The following HACL1 variants were observed in gnomAD, a reference collection of about 807,000 sequenced individuals.
The protein encoded by HACL1 is 1600020H07Rik.
A neutral mutation model predicts 74.2 loss-of-function variants in HACL1; 64 were observed. The observed-to-expected ratio is 0.86, with a 90% CI of 0.70 to 1.06. HACL1 has a LOEUF of 1.06. Ranked by LOEUF, HACL1 falls within the 50% of genes least tolerant of loss-of-function variation. HACL1 has a pLI of 0.00. For missense variants in HACL1, 728 were observed against 719.7 expected (o/e 1.01, Z -0.13); for synonymous variants, 230 against 238.8 (o/e 0.96, Z 0.34).
chr3:15,573,489 T>G (rs1362820050), intron 10 of HACL1, among the ~76,000 whole-genome samples: 1 of 152,236 alleles, frequency 6.6e-6, no homozygotes, highest in Non-Finnish European at 1.5e-5. Context: ...ATTGCTTCAT[T>G]ATACCCATAG....
intron 16 of HACL1, among the ~76,000 whole-genome samples, chr3:15,562,611 C>A (rs565158365): frequency 6.6e-6 from 1 of 152,106 alleles, no homozygotes; most frequent in East Asian, 1.9e-4. Flanking sequence ...GTGGCTGATA[C>A]ACAAACTGTT....
rs1346314766 is a variant in HACL1, at chr3:15,568,086, C to A, written c.1251-84G>T. 12 of 1,115,178 alleles carry A rather than the reference C, an allele frequency of 1.1e-5. No individual in the cohort carries two copies. In the African/African-American group the frequency reaches 1.2e-4, roughly 12 times the overall value. The allele number at this position is 1,115,178 out of a possible 1,614,324, so 69.1% of individuals were successfully genotyped here. A position where few individuals can be genotyped will look rare whatever the true frequency, so the allele number is the denominator to read the frequency against. On this transcript the variant is annotated intron_variant, in intron 13 of 16. Coordinates refer to ENST00000321169, the MANE Select transcript of HACL1 (RefSeq NM_012260.4). ...GGCACAAACCTTCTAGTCATATTTACATGGTTGATGGAAAAATGAAGAACC... is the reference window on the plus strand; with the variant it reads ...GGCACAAACCTTCTAGTCATATTTAAATGGTTGATGGAAAAATGAAGAACC...
chr3:15,564,802 T>C, intron 14 of HACL1, 144 bp from the exon 15 acceptor site: 1 of 543,202 alleles, frequency 1.8e-6, no homozygotes, highest in African/African-American at 1.9e-5. Context: ...CAAGCATTTA[T>C]TATCCTAAGA....
Position 15,580,116 on chromosome 3 carries a change from G to A in HACL1, c.668-71C>T, listed in dbSNP as rs553414211. 26 of 1,239,052 alleles carry A rather than the reference G, an allele frequency of 2.1e-5. No individual in the cohort carries two copies. In the Middle Eastern group the frequency reaches 5.7e-4, roughly 27 times the overall value. The allele number at this position is 1,239,052 out of a possible 1,614,324, so 76.8% of individuals were successfully genotyped here. ...CACTGTGACCCTTAAAAAAGTTCAT[G>A]TGAAATTGCTTTTTACTTATTTATA... On this transcript the variant is annotated intron_variant, in intron 8 of 16. Transcript: ENST00000321169.
intron 2 of HACL1, among the ~76,000 whole-genome samples, chr3:15,596,802 C>T (rs976285426): frequency 3.3e-5 from 5 of 151,912 alleles, no homozygotes; most frequent in African/African-American, 7.2e-5. Flanking sequence ...TTTAGTTCTT[C>T]GAAAATTTTT....
chr3:15,571,771 TTAAA>T lies in HACL1; in HGVS notation c.994-6_994-3del. On this transcript the variant is annotated splice_region_variant and splice_polypyrimidine_tract_variant and intron_variant, in intron 11 of 16. Transcript: ENST00000321169. ...TGTTTTATCAAGTTCCTCTAAAAGC[TTAAA>T]AAAAAAAAAACACACACACACAAAC... is the stretch of plus-strand genomic sequence containing the variant. The T allele has an allele frequency of 1.0e-6, 1 of 982,940 alleles. No homozygotes were observed. The highest frequency in any genetic ancestry group is 1.5e-6 in the Non-Finnish European group (1 of 678,020). The allele number at this position is 982,940 out of a possible 1,614,324, so 60.9% of individuals were successfully genotyped here.
Position 15,571,666 on chromosome 3 carries a change from A to T in HACL1, c.1095+2T>A. 1 of 1,310,268 alleles carries T rather than the reference A, an allele frequency of 7.6e-7. No homozygotes were observed. Among genetic ancestry groups the T allele is most frequent in the Non-Finnish European group, 1.1e-6 (1 of 903,874 alleles). The allele number at this position is 1,310,268 out of a possible 1,614,324, so 81.2% of individuals were successfully genotyped here. A position where few individuals can be genotyped will look rare whatever the true frequency, so the allele number is the denominator to read the frequency against. On this transcript the variant is annotated splice_donor_variant, in intron 12 of 16. Coordinates refer to ENST00000321169, the MANE Select transcript of HACL1 (RefSeq NM_012260.4). LOFTEE classifies it high-confidence loss of function. ...ATTGAGCGTCAGTAGGTCCGATTTT[A>T]CCTTGGATGCAGCTTCATTGCTCTT...
At chr3:15,571,806 A>C (rs767746203) in intron 11 of HACL1, 37 bp from the exon 12 acceptor site, 1 of 682,324 alleles carries the variant, frequency 1.5e-6, no homozygotes. Context: ...CAAACACATA[A>C]ACTTTTTCTT....
At chr3:15,580,419 C>T (rs907308207) in intron 8 of HACL1, among the ~76,000 whole-genome samples, 1 of 152,124 alleles carries the variant, frequency 6.6e-6, no homozygotes, top group African/African-American at 2.4e-5. Flanking sequence ...TGTAGATCTT[C>T]TCAAATACTC....
intron 16 of HACL1, among the ~76,000 whole-genome samples, chr3:15,561,232 G>T (rs1232837644): frequency 6.6e-6 from 1 of 152,218 alleles, no homozygotes. Flanking sequence ...CAGGTCTGAG[G>T]ACATGAGTAG....
chr3:15,570,666 C>A (rs1410560088), intron 12 of HACL1, among the ~76,000 whole-genome samples: 1 of 151,306 alleles, frequency 6.6e-6, no homozygotes, highest in Non-Finnish European at 1.5e-5. Flanking sequence ...TACTAGAAAT[C>A]GCCAAATCCT....
intron 9 of HACL1, among the ~76,000 whole-genome samples, chr3:15,575,303 T>C (rs991142752): frequency 1.3e-5 from 2 of 151,810 alleles, no homozygotes; most frequent in Non-Finnish European, 2.9e-5. Flanking sequence ...AACATTACCA[T>C]AAGCTGTATC....
chr3:15,562,550 T>C (rs761841086), intron 16 of HACL1, among the ~76,000 whole-genome samples: 2 of 152,116 alleles, frequency 1.3e-5, no homozygotes, highest in East Asian at 1.9e-4. Context: ...ATTCCATATA[T>C]ATAAGAACCA....
At chr3:15,589,067 T>TTATAGTA (rs1387407184) in intron 5 of HACL1, among the ~76,000 whole-genome samples, 1 of 152,200 alleles carries the variant, frequency 6.6e-6, no homozygotes, top group Non-Finnish European at 1.5e-5. Context: ...TGAAGTTGTC[T>TTATAGTA]TATAGTAGCT....
chr3:15,588,967 T>C (rs1023339588), intron 5 of HACL1, among the ~76,000 whole-genome samples: 1 of 152,200 alleles, frequency 6.6e-6, no homozygotes, highest in African/African-American at 2.4e-5. Context: ...TTTAAGAGCC[T>C]ATTTTCAGAG....
intron 2 of HACL1, among the ~76,000 whole-genome samples, chr3:15,597,735 G>A (rs1455798426): frequency 2.0e-5 from 3 of 150,710 alleles, no homozygotes; most frequent in African/African-American, 2.4e-5. Context: ...TTCCTGTGTC[G>A]CTATTCTCTA....
chr3:15,573,719 A>C (rs1210387078), intron 10 of HACL1, among the ~76,000 whole-genome samples: 2 of 152,216 alleles, frequency 1.3e-5, no homozygotes, highest in Non-Finnish European at 2.9e-5. Flanking sequence ...GTGCATTTCT[A>C]ACAGGTTTCG....
intron 9 of HACL1, among the ~76,000 whole-genome samples, chr3:15,578,518 C>A (rs940036154): frequency 1.3e-5 from 2 of 152,222 alleles, no homozygotes; most frequent in Non-Finnish European, 2.9e-5. Flanking sequence ...AAAGGCAGCC[C>A]TAGTTGCAGA....
intron 3 of HACL1, among the ~76,000 whole-genome samples, chr3:15,595,028 G>A (rs199784644): frequency 0.023 from 3,576 of 152,192 alleles, 218 homozygotes; most frequent in Admixed American, 0.12. Flanking sequence ...TGGGGAAGCT[G>A]AGGCATGAGG....
Sources: allele counts gnomAD v4.1 joint callset (sites outside exome capture counted in the v4.1 genomes callset), GRCh38; gene constraint gnomAD v4.1.1; transcripts MANE v1.5; gene names NCBI Gene and HGNC (gene_info 2026-07-23, HGNC 2026-07-21).